Variants in GRSF1 observed in about 807,000 individuals in gnomAD.
GRSF1 encodes the protein G-rich RNA sequence binding factor 1.
In GRSF1, 50 loss-of-function variants were observed where a neutral mutation model predicts 51.1. That is an observed-to-expected ratio of 0.98 (90% CI 0.78 to 1.24). GRSF1 has a LOEUF of 1.24. Ranked by LOEUF, GRSF1 falls within the 50% of genes most tolerant of loss-of-function variation. The pLI is 0.00. For missense variants in GRSF1, 700 were observed against 639.7 expected, an observed-to-expected ratio of 1.09 and a Z score of -1.02; for synonymous variants, 293 against 253.3, an observed-to-expected ratio of 1.16 and a Z score of -1.49.
intron 7 of GRSF1, 76 bp from the exon 8 acceptor site, chr4:70,825,507 T>TAA: frequency 8.5e-7 from 1 of 1,178,910 alleles, no homozygotes; most frequent in South Asian, 1.9e-5. Context: ...GCTCTTCATC[T>TAA]TTCTTTCAGA....
intron 5 of GRSF1, among the ~76,000 whole-genome samples, chr4:70,828,887 G>A (rs189677259): frequency 0.011 from 1,659 of 152,032 alleles, 27 homozygotes; most frequent in African/African-American, 0.038. Context: ...ACAGGCGCCC[G>A]CCACCACGCC....
rs13805 is a variant in GRSF1 at position 70,832,421 on chromosome 4, C to T, written c.700G>A (p.Ala234Thr). The T allele has an allele frequency of 9.9e-6, 16 of 1,609,278 alleles. No homozygotes were observed. In the African/African-American group the frequency reaches 1.6e-4, roughly 16 times the overall value. The change falls in exon 4 of 10, where the codon GCC becomes ACC. Residue 234 changes from alanine to threonine, a missense_variant. Transcript: ENST00000254799. ...TTGACCTGCAAGCTCTTCATTAAGG[C>T]ATCCACATCTTCATTGTTTATCTCA... ...VYEINNEDVD[A>T]LMKSLQVKSS...
intron 6 of GRSF1, among the ~76,000 whole-genome samples, chr4:70,827,191 G>A (rs1733769579): frequency 1.3e-5 from 2 of 151,836 alleles, no homozygotes; most frequent in South Asian, 4.2e-4. Flanking sequence ...GGGAGGCTGA[G>A]GCAGGATGAT....
rs753212177 is a variant in GRSF1 at position 70,832,385 on chromosome 4, C to T, written c.736G>A (p.Val246Met). The change falls in exon 4 of 10, where the codon GTG becomes ATG. Residue 246 changes from valine (V) to methionine (M), a missense_variant. Physicochemically the swap from Val to Met is conservative, Grantham distance 21. Transcript: ENST00000254799. ...AAACGAACCACACCATCATTTACCA[C>T]AGGCGAAGATTTGACCTGCAAGCTC... Reference protein sequence around the residue: ...MKSLQVKSSPVVNDGVVRLRG... With the variant: ...MKSLQVKSSPMVNDGVVRLRG... 6.2e-7 allele frequency: 1 copy of T among 1,611,682 alleles called. No individual in the cohort carries two copies. The highest frequency in any genetic ancestry group is 2.2e-5 in the East Asian group (1 of 44,856).
intron 9 of GRSF1, among the ~76,000 whole-genome samples, chr4:70,822,007 G>C (rs1325445931): frequency 6.6e-6 from 1 of 151,782 alleles, no homozygotes; most frequent in Non-Finnish European, 1.5e-5. Context: ...TTACAGGTAA[G>C]TGTCTCAAAA....
intron 8 of GRSF1, 58 bp from the exon 9 acceptor site, chr4:70,824,426 G>T: frequency 1.1e-6 from 1 of 880,832 alleles, no homozygotes. Flanking sequence ...AAATATTACA[G>T]CCATTTTTCT....
chr4:70,833,927 C>T (rs1461011317), intron 2 of GRSF1, among the ~76,000 whole-genome samples: 1 of 152,118 alleles, frequency 6.6e-6, no homozygotes, highest in Non-Finnish European at 1.5e-5. Flanking sequence ...GGGCATACTG[C>T]CTAGGATTTA....
chr4:70,831,477 C>G, intron 5 of GRSF1, 62 bp downstream of exon 5: 1 of 1,425,092 alleles, frequency 7.0e-7, no homozygotes, highest in Non-Finnish European at 9.8e-7. Flanking sequence ...CATATTACAG[C>G]ACATTCATCA....
chr4:70,840,736 C>G (rs1389036078), upstream of GRSF1, among the ~76,000 whole-genome samples: 2 of 152,130 alleles, frequency 1.3e-5, no homozygotes, highest in African/African-American at 4.8e-5. Context: ...GCACTGCAGC[C>G]TGGGCGACAG....
intron 5 of GRSF1, among the ~76,000 whole-genome samples, chr4:70,831,024 T>C (rs1733945325): frequency 6.6e-6 from 1 of 152,194 alleles, no homozygotes; most frequent in Non-Finnish European, 1.5e-5. Flanking sequence ...TTAATCTAGC[T>C]GCTCTAGGTA....
chr4:70,838,174 A>AT (rs1734295575), intron 1 of GRSF1, among the ~76,000 whole-genome samples: 1 of 131,108 alleles, frequency 7.6e-6, no homozygotes, highest in Non-Finnish European at 1.5e-5. Flanking sequence ...AGCCGAGATC[A>AT]TTCCACTGCA....
At chr4:70,825,904 C>T (rs1578296376) in intron 7 of GRSF1, 1 of 441,234 alleles carries the variant, frequency 2.3e-6, no homozygotes, top group Non-Finnish European at 4.0e-6. Flanking sequence ...TGCACTCCAG[C>T]CTGGGCGACA....
At chr4:70,838,433 A>T (rs1314164285) in intron 1 of GRSF1, among the ~76,000 whole-genome samples, 4 of 152,178 alleles carry the variant, frequency 2.6e-5, no homozygotes, top group African/African-American at 9.7e-5. Context: ...AAGCATCACA[A>T]GCTTTTACAG....
At chr4:70,823,034 T>C (rs983634934) in intron 9 of GRSF1, among the ~76,000 whole-genome samples, 3 of 151,740 alleles carry the variant, frequency 2.0e-5, no homozygotes, top group African/African-American at 7.3e-5. Context: ...GAGGCGGAGT[T>C]TGCAGTGAGC....
chr4:70,837,563 CAAA>C (rs11419852), intron 1 of GRSF1, among the ~76,000 whole-genome samples: 2 of 89,096 alleles, frequency 2.2e-5, no homozygotes. Flanking sequence ...GACTCCGTCT[CAAA>C]AAAAAAAAAA....
chr4:70,825,295 C>T lies in GRSF1; in HGVS notation c.1393+1G>A. ...CAACAAAAGCCAAAGGCAGGACTTA[C>T]GAACGTGGGACCGATCCTTGAGCAT... On this transcript the variant is annotated splice_donor_variant, in intron 8 of 9. Transcript: ENST00000254799. LOFTEE classifies it high-confidence loss of function. 2.5e-6 allele frequency: 4 copies of T among 1,599,686 alleles called. No homozygotes were observed. Among genetic ancestry groups the T allele is most frequent in the South Asian group, 1.1e-5 (1 of 89,696 alleles).
intron 9 of GRSF1, among the ~76,000 whole-genome samples, chr4:70,823,114 G>A (rs757465720): frequency 8.5e-5 from 13 of 152,146 alleles, no homozygotes; most frequent in Middle Eastern, 3.4e-3. Flanking sequence ...ATAAAAAGTA[G>A]GCCGGACACA....
chr4:70,839,251 G>C (rs922190227), intron 1 of GRSF1: 1 of 1,476,970 alleles, frequency 6.8e-7, no homozygotes, highest in Non-Finnish European at 9.0e-7. Context: ...CCAGAGACTC[G>C]AGGCGAGAAC....
At chr4:70,832,228 C>T (rs1379249147) in intron 4 of GRSF1, 79 bp downstream of exon 4, 2 of 1,193,724 alleles carry the variant, frequency 1.7e-6, no homozygotes, top group East Asian at 4.7e-5. Context: ...TGCCCAGAAA[C>T]AGGCTCATCT....
Sources: gnomAD v4.1 joint callset for allele counts (sites outside exome capture counted in the v4.1 genomes callset) on GRCh38, gnomAD v4.1.1 for gene constraint, MANE v1.5 for transcripts, NCBI Gene and HGNC (gene_info 2026-07-23, HGNC 2026-07-21) for gene names.